Variants in NBEA observed in about 807,000 individuals in gnomAD.
The protein encoded by NBEA is lysosomal-trafficking regulator 2.
NBEA carries 44 observed loss-of-function variants against 343.4 expected under a neutral mutation model. That is an observed-to-expected ratio of 0.13 (90% CI 0.10 to 0.16). The LOEUF is 0.16. Ranked by LOEUF, NBEA falls within the 10% of genes least tolerant of loss-of-function variation. The pLI is 1.00. For synonymous variants in NBEA, 1,175 were observed against 1,238.7 expected, an observed-to-expected ratio of 0.95 and a Z score of 1.08; for missense variants, 2,555 against 3,631.3, an observed-to-expected ratio of 0.70 and a Z score of 7.62.
At chr13:35,282,854 T>C (rs1356748773) in intron 34 of NBEA, among the ~76,000 whole-genome samples, 1 of 152,162 alleles carries the variant, frequency 6.6e-6, no homozygotes, top group Non-Finnish European at 1.5e-5. Context: ...GTCTGTTAGC[T>C]CCTTGAGACC....
intron 1 of NBEA, among the ~76,000 whole-genome samples, chr13:34,975,123 A>G (rs970819767): frequency 6.6e-6 from 1 of 152,180 alleles, no homozygotes; most frequent in Non-Finnish European, 1.5e-5. Flanking sequence ...CAAGCCTTTT[A>G]CTGGTTTTCT....
chr13:34,959,056 A>G (rs2059581070), intron 1 of NBEA, among the ~76,000 whole-genome samples: 1 of 152,128 alleles, frequency 6.6e-6, no homozygotes, highest in Non-Finnish European at 1.5e-5. Context: ...ATAAAAATTG[A>G]AAGTATGTTA....
chr13:35,515,062 A>G (rs1462928997), intron 41 of NBEA, among the ~76,000 whole-genome samples: 3 of 152,202 alleles, frequency 2.0e-5, no homozygotes, highest in Admixed American at 6.5e-5. Flanking sequence ...AGTGGGCTGT[A>G]TGTTTGTAGG....
At chr13:35,084,860 A>G (rs1470568347) in intron 10 of NBEA, among the ~76,000 whole-genome samples, 1 of 152,158 alleles carries the variant, frequency 6.6e-6, no homozygotes, top group African/African-American at 2.4e-5. Context: ...AAGAAAAGAG[A>G]GAAGAATCAA....
intron 35 of NBEA, among the ~76,000 whole-genome samples, chr13:35,302,491 T>C (rs143054286): frequency 1.3e-5 from 2 of 152,306 alleles, no homozygotes; most frequent in South Asian, 4.1e-4. Flanking sequence ...AACTGAATTA[T>C]ACTCTCTTAA....
chr13:34,985,379 G>A (rs2060509438), intron 1 of NBEA, among the ~76,000 whole-genome samples: 1 of 151,048 alleles, frequency 6.6e-6, no homozygotes, highest in Admixed American at 6.6e-5. Flanking sequence ...TGGTATCCCA[G>A]GGATGAAGCC....
chr13:35,173,088 A>ATTAAATT (rs1428197896), intron 26 of NBEA, among the ~76,000 whole-genome samples: 1 of 144,316 alleles, frequency 6.9e-6, no homozygotes, highest in Non-Finnish European at 1.5e-5. Context: ...CAGAAGCTTT[A>ATTAAATT]TTAAATTTTT....
intron 48 of NBEA, among the ~76,000 whole-genome samples, chr13:35,621,923 T>G (rs1371029901): frequency 2.0e-5 from 3 of 152,212 alleles, no homozygotes; most frequent in African/African-American, 7.2e-5. Context: ...GAAGTGCTAA[T>G]TGGCAATCAT....
chr13:35,188,156 G>A (rs539905011), intron 30 of NBEA, among the ~76,000 whole-genome samples: 1 of 150,756 alleles, frequency 6.6e-6, no homozygotes, highest in African/African-American at 2.4e-5. Context: ...TTTAGTTTAT[G>A]TATTTATGGT....
At chr13:34,987,836 A>C (rs1168395098) in intron 1 of NBEA, among the ~76,000 whole-genome samples, 1 of 151,130 alleles carries the variant, frequency 6.6e-6, no homozygotes, top group East Asian at 1.9e-4. Flanking sequence ...CATGCTTTTC[A>C]GCTCCATCAG....
intron 48 of NBEA, among the ~76,000 whole-genome samples, chr13:35,618,286 T>C (rs920499303): frequency 6.6e-6 from 1 of 152,194 alleles, no homozygotes; most frequent in African/African-American, 2.4e-5. Flanking sequence ...AAGGCAAAGA[T>C]GACAAAATAT....
chr13:35,214,056 C>T (rs781068789), intron 33 of NBEA, among the ~76,000 whole-genome samples: 1 of 151,842 alleles, frequency 6.6e-6, no homozygotes, highest in South Asian at 2.1e-4. Flanking sequence ...TGTGATTTAT[C>T]GATATCTTTT....
intron 49 of NBEA, among the ~76,000 whole-genome samples, chr13:35,628,748 T>C (rs2083331736): frequency 6.6e-6 from 1 of 151,918 alleles, no homozygotes; most frequent in African/African-American, 2.4e-5. Flanking sequence ...TGAAACCCCA[T>C]CTCTACAAAA....
chr13:34,976,140 G>A lies in NBEA; in HGVS notation c.294+33026G>A, dbSNP rs147333693. 7.3e-3 allele frequency among the ~76,000 whole-genome samples: 1,110 copies of A among 152,212 alleles called. 9 individuals are homozygous for A. Among genetic ancestry groups the A allele is most frequent in the Middle Eastern group, 0.017 (5 of 294 alleles). On this transcript the variant is annotated intron_variant, in intron 1 of 58. Transcript: ENST00000379939. ...CTTGCACATGTATGTTTATAGCAGC[G>A]CAATTTGCAATTGCAAAAATATGGA...
At chr13:35,583,248 A>T (rs1486881875) in intron 45 of NBEA, among the ~76,000 whole-genome samples, 2 of 152,220 alleles carry the variant, frequency 1.3e-5, no homozygotes, top group Non-Finnish European at 2.9e-5. Context: ...AGGGATTAGC[A>T]TCATAATCAG....
intron 1 of NBEA, among the ~76,000 whole-genome samples, chr13:34,991,846 C>T (rs977053396): frequency 2.0e-5 from 3 of 152,066 alleles, no homozygotes; most frequent in Non-Finnish European, 4.4e-5. Context: ...ATGCTGGCAA[C>T]CAATTCTTTT....
chr13:35,110,836 G>T lies in NBEA; in HGVS notation c.1860G>T (p.Leu620Phe). 2 of 1,611,934 alleles carry T rather than the reference G, an allele frequency of 1.2e-6. No homozygotes were observed. Among genetic ancestry groups the T allele is most frequent in the Non-Finnish European group, 1.7e-6 (2 of 1,178,536 alleles). ...TTCAGCTTTCCCTATACACATATTTGTCTGCTGAATTTATTGGAACTGCTA... is the reference window on the plus strand; with the variant it reads ...TTCAGCTTTCCCTATACACATATTTTTCTGCTGAATTTATTGGAACTGCTA... Reference protein sequence around the residue: ...AKVQLSLYTYLSAEFIGTATI... With the variant: ...AKVQLSLYTYFSAEFIGTATI... Residue 620 changes from leucine to phenylalanine, a missense_variant, in exon 13 of 59, where the codon TTG becomes TTT. By Grantham distance (22) the Leu-to-Phe change is conservative (BLOSUM62 0). This residue lies in a region of NBEA where 360 missense variants were observed against 519.1 expected (regional missense o/e 0.69). Transcript: ENST00000379939.
At chr13:35,483,468 A>G (rs2076194999) in intron 41 of NBEA, among the ~76,000 whole-genome samples, 1 of 152,004 alleles carries the variant, frequency 6.6e-6, no homozygotes, top group South Asian at 2.1e-4. Context: ...ATATATGCAC[A>G]TTCTTGGGAC....
rs36117821 is a variant in NBEA at position 35,139,744 on chromosome 13, G to GTTTTTTT, written c.2337-2503_2337-2497dup. On this transcript the variant is annotated intron_variant, in intron 17 of 58. Transcript: ENST00000379939. ...TTTCCTGCCTAAGATGATGGATGGCGTTTTTTTTTTTTTTTTTTTTTTTTT... is the reference window on the plus strand; with the variant it reads ...TTTCCTGCCTAAGATGATGGATGGCGTTTTTTTTTTTTTTTTTTTTTTTTTTTTTTTT... Among the ~76,000 whole-genome samples the GTTTTTTT allele has an allele frequency of 2.4e-3, 149 of 61,096 alleles. 19 individuals carry two copies. Among genetic ancestry groups the GTTTTTTT allele is most frequent in the Non-Finnish European group, 3.1e-3 (106 of 34,672 alleles). The allele number at this position is 61,096 out of a possible 152,430, so 40.1% of individuals were successfully genotyped here.
Sources: gnomAD v4.1 joint callset for allele counts (sites outside exome capture counted in the v4.1 genomes callset) on GRCh38, gnomAD v4.1.1 for gene constraint, gnomAD v4.1.1 regional missense constraint, MANE v1.5 for transcripts, NCBI Gene and HGNC (gene_info 2026-07-23, HGNC 2026-07-21) for gene names.